NRF1: variants seen among roughly 807,000 people sequenced by gnomAD.
The protein encoded by NRF1 is nuclear respiratory factor 1, also known as alpha palindromic-binding protein.
A neutral mutation model predicts 58.5 loss-of-function variants in NRF1; 5 were observed. That is an observed-to-expected ratio of 0.09 (90% CI 0.04 to 0.18). The LOEUF is 0.18. Ranked by LOEUF, NRF1 falls within the 10% of genes least tolerant of loss-of-function variation. NRF1 has a pLI of 1.00. For synonymous variants in NRF1, 224 were observed against 246.7 expected (o/e 0.91, Z 0.86); for missense variants, 288 against 657.7 (o/e 0.44, Z 6.15).
intron 10 of NRF1, among the ~76,000 whole-genome samples, chr7:129,729,380 G>C (rs1342075122): frequency 6.6e-6 from 1 of 152,210 alleles, no homozygotes; most frequent in African/African-American, 2.4e-5. Flanking sequence ...GTGATTTCAT[G>C]TTGTTGGCTA....
intron 1 of NRF1, among the ~76,000 whole-genome samples, chr7:129,626,576 T>C (rs28689822): frequency 0.19 from 29,509 of 152,204 alleles, 3,158 homozygotes; most frequent in East Asian, 0.47. Context: ...TAAGTCATAC[T>C]GCGTAGTGCA....
At chr7:129,658,778 G>A (rs1334117577) in intron 2 of NRF1, among the ~76,000 whole-genome samples, 1 of 151,810 alleles carries the variant, frequency 6.6e-6, no homozygotes, top group African/African-American at 2.4e-5. Context: ...CTCCACATCT[G>A]CACATTCAAC....
At chr7:129,684,401 A>C (rs530490746) in intron 4 of NRF1, among the ~76,000 whole-genome samples, 24 of 152,222 alleles carry the variant, frequency 1.6e-4, no homozygotes, top group Admixed American at 7.9e-4. Flanking sequence ...ATCTCAGCCA[A>C]GTGGATTAAC....
intron 1 of NRF1, among the ~76,000 whole-genome samples, chr7:129,631,905 G>A (rs909432095): frequency 5.8e-4 from 88 of 152,084 alleles, no homozygotes; most frequent in African/African-American, 1.8e-3. Context: ...TTTGGAACAC[G>A]GATTTCAGAT....
intron 4 of NRF1, among the ~76,000 whole-genome samples, chr7:129,689,812 T>A (rs1802523541): frequency 6.6e-6 from 1 of 152,238 alleles, no homozygotes; most frequent in African/African-American, 2.4e-5. Flanking sequence ...TGGGGCTCCC[T>A]TTGGCCCGGG....
chr7:129,617,932 A>G (rs1338626617), intron 1 of NRF1, among the ~76,000 whole-genome samples: 1 of 152,192 alleles, frequency 6.6e-6, no homozygotes, highest in East Asian at 1.9e-4. Flanking sequence ...AGTGAAACTG[A>G]TAAGGTTGTG....
intron 4 of NRF1, among the ~76,000 whole-genome samples, chr7:129,678,062 A>G (rs995239481): frequency 2.0e-5 from 3 of 152,188 alleles, no homozygotes; most frequent in African/African-American, 4.8e-5. Context: ...TTCTAAGAAA[A>G]TTACTGATTT....
At chr7:129,687,100 A>T (rs1373173646) in intron 4 of NRF1, among the ~76,000 whole-genome samples, 2 of 152,208 alleles carry the variant, frequency 1.3e-5, no homozygotes, top group African/African-American at 2.4e-5. Flanking sequence ...ACTTCTTCAC[A>T]TTCAGAGTCC....
At chr7:129,667,381 A>G (rs1338567243) in intron 2 of NRF1, among the ~76,000 whole-genome samples, 1 of 152,140 alleles carries the variant, frequency 6.6e-6, no homozygotes, top group East Asian at 1.9e-4. Context: ...TTGGATCTTT[A>G]TTGACGTCTC....
intron 1 of NRF1, among the ~76,000 whole-genome samples, chr7:129,642,066 C>A (rs1301884231): frequency 6.6e-6 from 1 of 151,834 alleles, no homozygotes; most frequent in Admixed American, 6.6e-5. Flanking sequence ...GCAACCTCCG[C>A]CTCCCAGGTT....
In NRF1 at chr7:129,755,157, G is replaced by A. The variant is rs749178484; in HGVS notation, c.1488G>A (p.Val496=). Residue 496 remains valine, a synonymous_variant, in exon 11 of 11, where the codon GTG becomes GTA. Coordinates refer to ENST00000393232, the MANE Select transcript of NRF1 (RefSeq NM_005011.5). This position sits in a 1 kb window ranked among gnomAD's most constrained non-coding sequence, Gnocchi z 5.8. ...CAGTCACCATGGACGGCCAAGCTGTGGAGGTGGTGACATTGGAACAGTGAC... is the reference window on the plus strand; with the variant it reads ...CAGTCACCATGGACGGCCAAGCTGTAGAGGTGGTGACATTGGAACAGTGAC... ...DSAVTMDGQA[V]EVVTLEQ 22 of 1,612,540 alleles carry A rather than the reference G, an allele frequency of 1.4e-5. No individual in the cohort carries two copies. The South Asian group carries it at 2.1e-4, about 15-fold the overall frequency.
chr7:129,726,778 C>CA (rs754874157), intron 9 of NRF1, among the ~76,000 whole-genome samples: 2 of 152,188 alleles, frequency 1.3e-5, no homozygotes, highest in Non-Finnish European at 2.9e-5. Context: ...CTCATATTAT[C>CA]ATTCATCCTT....
chr7:129,710,367 G>A lies in NRF1; in HGVS notation c.766-7G>A. The A allele has an allele frequency of 2.5e-6, 4 of 1,613,938 alleles. No individual in the cohort carries two copies. The East Asian group carries it at 6.7e-5, about 27-fold the overall frequency. ...CTTAATGTGCTTTTCCGGTCATTTG[G>A]TGACAGGTTTCATGGACCCAGGCAC... On this transcript the variant is annotated splice_region_variant and splice_polypyrimidine_tract_variant and intron_variant, in intron 6 of 10. Coordinates refer to ENST00000393232, the MANE Select transcript of NRF1 (RefSeq NM_005011.5).
At chr7:129,718,882 T>C (rs957226368) in intron 9 of NRF1, among the ~76,000 whole-genome samples, 1 of 152,206 alleles carries the variant, frequency 6.6e-6, no homozygotes, top group African/African-American at 2.4e-5. Flanking sequence ...CCCATTGTTA[T>C]AATGAGGATA....
At chr7:129,661,237 G>A (rs1801773538) in intron 2 of NRF1, among the ~76,000 whole-genome samples, 1 of 151,320 alleles carries the variant, frequency 6.6e-6, no homozygotes, top group Admixed American at 6.6e-5. Context: ...TATGATGGGA[G>A]GGGCTACTGT....
intron 2 of NRF1, among the ~76,000 whole-genome samples, chr7:129,660,317 C>T (rs1240019804): frequency 6.6e-6 from 1 of 150,656 alleles, no homozygotes; most frequent in Non-Finnish European, 1.5e-5. Flanking sequence ...TTCATGTCCT[C>T]ACATTTCAAA....
At chr7:129,746,442 G>C (rs1055920253) in intron 10 of NRF1, among the ~76,000 whole-genome samples, 6 of 152,026 alleles carry the variant, frequency 3.9e-5, no homozygotes, top group Non-Finnish European at 7.4e-5. Context: ...CTGATTTCCT[G>C]TTATCTTCTT....
intron 1 of NRF1, among the ~76,000 whole-genome samples, chr7:129,653,001 C>G (rs1311299473): frequency 6.6e-6 from 1 of 152,160 alleles, no homozygotes; most frequent in East Asian, 1.9e-4. Flanking sequence ...CATTTTTAGG[C>G]ATATAGTTCA....
chr7:129,634,359 C>T (rs2151063812), intron 1 of NRF1, among the ~76,000 whole-genome samples: 1 of 152,240 alleles, frequency 6.6e-6, no homozygotes, highest in Non-Finnish European at 1.5e-5. Flanking sequence ...TCCCTCCTTT[C>T]TCTAACCCCT....
Sources: allele counts gnomAD v4.1 joint callset (sites outside exome capture counted in the v4.1 genomes callset), GRCh38; gene constraint gnomAD v4.1.1; non-coding constraint Gnocchi (gnomAD v3.1); transcripts MANE v1.5; gene names NCBI Gene and HGNC (gene_info 2026-07-23, HGNC 2026-07-21).